PREX2: variants seen among roughly 807,000 people sequenced by gnomAD.
PREX2 encodes the protein phosphatidylinositol 3,4,5-trisphosphate-dependent Rac exchanger 2 protein.
Under a neutral mutation model 203.2 loss-of-function variants are expected in PREX2, and 107 were observed. That is an observed-to-expected ratio of 0.53 (90% confidence interval 0.45 to 0.62). The LOEUF (loss-of-function observed/expected upper bound fraction) is 0.62, where lower values mean the gene tolerates loss of function less well. PREX2 is among the 20% of genes least tolerant of loss of function. The probability of loss-of-function intolerance (pLI) is 0.00; values close to 1 mark genes in which losing one functional copy is unlikely to be tolerated. For missense variants in PREX2, 1,777 were observed against 1,955.9 expected (o/e 0.91, Z 1.72); for synonymous variants, 672 against 663.6 (o/e 1.01, Z -0.19).
intron 11 of PREX2, among the ~76,000 whole-genome samples, chr8:68,062,052 A>G (rs558836791): frequency 6.6e-6 from 1 of 152,206 alleles, no homozygotes; most frequent in African/African-American, 2.4e-5. Flanking sequence ...GATATTTCCC[A>G]TCTTTTCTTA....
At chr8:68,063,258 T>C (rs1015127297) in intron 11 of PREX2, among the ~76,000 whole-genome samples, 1 of 152,210 alleles carries the variant, frequency 6.6e-6, no homozygotes, top group African/African-American at 2.4e-5. Flanking sequence ...AATTGAGTAG[T>C]TGTTTACCAA....
intron 39 of PREX2, among the ~76,000 whole-genome samples, chr8:68,231,066 A>G (rs1813157417): frequency 6.6e-6 from 1 of 152,188 alleles, no homozygotes; most frequent in Non-Finnish European, 1.5e-5. Context: ...GGCGGTTGGC[A>G]CTGGAGAAAA....
At chr8:67,981,135 G>T (rs1264551320) in intron 1 of PREX2, among the ~76,000 whole-genome samples, 1 of 152,200 alleles carries the variant, frequency 6.6e-6, no homozygotes, top group African/African-American at 2.4e-5. Context: ...GTGTCCTATA[G>T]TTCACAGTTA....
At chr8:68,186,449 T>TA (rs1478709441) in intron 35 of PREX2, among the ~76,000 whole-genome samples, 8 of 152,186 alleles carry the variant, frequency 5.3e-5, no homozygotes, top group Non-Finnish European at 8.8e-5. Context: ...AAAAAATGTG[T>TA]AAAAAAAGCT....
At position 68,122,934 on chromosome 8, in the gene PREX2, G is replaced by A. The variant is rs149098475; in HGVS notation, c.3724+1885G>A. On this transcript the variant is annotated intron_variant, in intron 30 of 39. Coordinates refer to ENST00000288368, the MANE Select transcript of PREX2 (RefSeq NM_024870.4). ...GCGTTTTATGTCTGATTATGTCATC[G>A]ATTTTAGTGTATGTGCCATGTGGTG... is the stretch of plus-strand genomic sequence containing the variant. Among the ~76,000 whole-genome samples, 695 of 152,038 alleles carry A rather than the reference G, an allele frequency of 4.6e-3. 8 individuals carry two copies. Among genetic ancestry groups the A allele is most frequent in the African/African-American group, 0.016 (667 of 41,508 alleles).
At chr8:68,060,574 A>T in intron 10 of PREX2, 105 bp from the exon 11 acceptor site, 1 of 716,226 alleles carries the variant, frequency 1.4e-6, no homozygotes, top group Non-Finnish European at 2.4e-6. Flanking sequence ...ATATTCCTTT[A>T]TATTTTGAGA....
At chr8:68,059,560 T>C (rs1456778544) in intron 10 of PREX2, among the ~76,000 whole-genome samples, 1 of 152,258 alleles carries the variant, frequency 6.6e-6, no homozygotes. Flanking sequence ...AACTTTTCTA[T>C]GTCTTTTGGT....
chr8:67,965,768 T>C lies in PREX2; in HGVS notation c.141+13233T>C, dbSNP rs548328590. Among the ~76,000 whole-genome samples the C allele has an allele frequency of 1.3e-3, 196 of 152,264 alleles. No individual in the cohort carries two copies. The South Asian group carries it at 0.022, about 17-fold the overall frequency. Reference sequence around the variant, plus strand: ...CTGGTAGTCATAGAATGAAGTTTGGTAAATGGGTCATGTTACATAGCTAGA... The same window carrying C: ...CTGGTAGTCATAGAATGAAGTTTGGCAAATGGGTCATGTTACATAGCTAGA... On this transcript the variant is annotated intron_variant, in intron 1 of 39. Coordinates refer to ENST00000288368, the MANE Select transcript of PREX2 (RefSeq NM_024870.4).
chr8:68,091,993 G>A (rs1341457366), intron 20 of PREX2, among the ~76,000 whole-genome samples: 5 of 152,152 alleles, frequency 3.3e-5, no homozygotes, highest in African/African-American at 7.2e-5. Context: ...TGGGGCGGCC[G>A]TGGGGTGGTT....
chr8:68,139,701 G>A (rs181983886), intron 33 of PREX2, among the ~76,000 whole-genome samples: 1 of 152,126 alleles, frequency 6.6e-6, no homozygotes, highest in South Asian at 2.1e-4. Context: ...TAAAAATAAA[G>A]CAATGTCAAT....
chr8:68,038,767 A>G (rs1039149784), intron 7 of PREX2, among the ~76,000 whole-genome samples: 1 of 151,884 alleles, frequency 6.6e-6, no homozygotes, highest in Non-Finnish European at 1.5e-5. Flanking sequence ...GAATTTAGTG[A>G]TTTCTCTAGC....
chr8:67,952,746 C>CG, intron 1 of PREX2: 1 of 686,214 alleles, frequency 1.5e-6, no homozygotes, highest in Non-Finnish European at 2.6e-6. Flanking sequence ...CACTGAGTTG[C>CG]GGGGGCCTTG....
In PREX2 at chr8:68,120,296, GA is replaced by G. The variant is rs769849863; in HGVS notation, c.3595+15del. The stretch of plus-strand genomic sequence containing the variant: ...GGCCGAGGATTGCAAGGTAAGCCTT[GA>G]AAAATTAACTAGTAGAAGCAATTGA... On this transcript the variant is annotated intron_variant, in intron 29 of 39. Coordinates refer to ENST00000288368, the MANE Select transcript of PREX2 (RefSeq NM_024870.4). 1.7e-5 allele frequency: 27 copies of G among 1,604,636 alleles called. No individual in the cohort carries two copies. The highest frequency in any genetic ancestry group is 2.3e-5 in the Non-Finnish European group (27 of 1,171,594).
At chr8:68,100,571 A>G (rs1810231759) in intron 23 of PREX2, among the ~76,000 whole-genome samples, 1 of 152,182 alleles carries the variant, frequency 6.6e-6, no homozygotes, top group African/African-American at 2.4e-5. Context: ...AATTGGAGAG[A>G]GAAGCCTCCA....
intron 12 of PREX2, 51 bp from the exon 13 acceptor site, chr8:68,069,784 A>G: frequency 1.2e-6 from 1 of 839,752 alleles, no homozygotes; most frequent in Non-Finnish European, 1.9e-6. Flanking sequence ...TTTCATTGAA[A>G]TGTCCCTTGG....
At chr8:68,175,416 A>G (rs1037152017) in intron 35 of PREX2, among the ~76,000 whole-genome samples, 2 of 152,130 alleles carry the variant, frequency 1.3e-5, no homozygotes, top group East Asian at 3.9e-4. Flanking sequence ...GAGAGGATGC[A>G]TATTCTACTG....
intron 33 of PREX2, among the ~76,000 whole-genome samples, chr8:68,144,384 C>G (rs894014028): frequency 3.4e-4 from 51 of 152,052 alleles, no homozygotes; most frequent in African/African-American, 1.1e-3. Context: ...TTTCAGTTTT[C>G]CTTATATAGA....
intron 23 of PREX2, among the ~76,000 whole-genome samples, chr8:68,106,533 A>G (rs1032873361): frequency 1.3e-5 from 2 of 152,220 alleles, no homozygotes; most frequent in African/African-American, 4.8e-5. Flanking sequence ...TGGCTGAACT[A>G]CATAGCTTCT....
chr8:68,208,297 AT>A (rs1812677371), intron 37 of PREX2, among the ~76,000 whole-genome samples: 1 of 152,212 alleles, frequency 6.6e-6, no homozygotes, highest in Non-Finnish European at 1.5e-5. Flanking sequence ...GATGAGTTTA[AT>A]TTGATAACTT....
Sources: allele counts gnomAD v4.1 joint callset (sites outside exome capture counted in the v4.1 genomes callset), GRCh38; gene constraint gnomAD v4.1.1; transcripts MANE v1.5; gene names NCBI Gene and HGNC (gene_info 2026-07-23, HGNC 2026-07-21).